GPC5: variants seen among roughly 807,000 people sequenced by gnomAD.
GPC5 encodes the protein glypican-5.
A neutral mutation model predicts 53.9 loss-of-function variants in GPC5; 47 were observed. The ratio of observed to expected loss-of-function variants is 0.87; its 90% CI spans 0.69 to 1.11. The LOEUF is 1.11. Ranked by LOEUF, GPC5 falls within the 50% of genes most tolerant of loss-of-function variation. The pLI is 0.00. For missense variants in GPC5, 748 were observed against 713.1 expected, an observed-to-expected ratio of 1.05 and a Z score of -0.56; for synonymous variants, 286 against 263.3, an observed-to-expected ratio of 1.09 and a Z score of -0.84.
At chr13:92,450,629 T>C (rs530812852) in intron 7 of GPC5, among the ~76,000 whole-genome samples, 1 of 152,328 alleles carries the variant, frequency 6.6e-6, no homozygotes, top group East Asian at 1.9e-4. Flanking sequence ...AGCTGCAGGC[T>C]GGTTGATGTT....
At chr13:91,915,693 T>C (rs1225622726) in intron 6 of GPC5, among the ~76,000 whole-genome samples, 9 of 152,204 alleles carry the variant, frequency 5.9e-5, no homozygotes, top group Non-Finnish European at 1.3e-4. Flanking sequence ...CTAAAACTTT[T>C]ATATATTTCT....
chr13:91,957,370 G>T (rs1355543407), intron 6 of GPC5, among the ~76,000 whole-genome samples: 1 of 152,058 alleles, frequency 6.6e-6, no homozygotes, highest in Non-Finnish European at 1.5e-5. Context: ...TATCCCAGGA[G>T]GTGAAGACAA....
At chr13:92,212,008 G>A (rs1389305038) in intron 7 of GPC5, among the ~76,000 whole-genome samples, 1 of 152,016 alleles carries the variant, frequency 6.6e-6, no homozygotes, top group Non-Finnish European at 1.5e-5. Context: ...ATTTGGAGGT[G>A]GGGCCTTTGG....
intron 6 of GPC5, among the ~76,000 whole-genome samples, chr13:92,118,003 A>G (rs989715885): frequency 1.3e-5 from 2 of 152,198 alleles, no homozygotes; most frequent in African/African-American, 4.8e-5. Context: ...GTGGTAGAAG[A>G]GCTAACTTCT....
intron 4 of GPC5, among the ~76,000 whole-genome samples, chr13:91,753,165 G>A (rs1259779627): frequency 6.6e-6 from 1 of 152,136 alleles, no homozygotes; most frequent in Non-Finnish European, 1.5e-5. Flanking sequence ...ATTTTATTCT[G>A]GACCGTAGAG....
At chr13:92,527,350 G>A (rs1424580057) in intron 7 of GPC5, among the ~76,000 whole-genome samples, 1 of 152,062 alleles carries the variant, frequency 6.6e-6, no homozygotes, top group Non-Finnish European at 1.5e-5. Flanking sequence ...GTCCAACAGA[G>A]GAGGAAAAGG....
chr13:92,026,395 A>C (rs2040801056), intron 6 of GPC5, among the ~76,000 whole-genome samples: 1 of 151,708 alleles, frequency 6.6e-6, no homozygotes, highest in African/African-American at 2.4e-5. Context: ...ACTTTTACTA[A>C]GGTAAACATA....
intron 2 of GPC5, among the ~76,000 whole-genome samples, chr13:91,464,801 T>C (rs1351528306): frequency 6.6e-6 from 1 of 151,978 alleles, no homozygotes; most frequent in Admixed American, 6.6e-5. Context: ...TAAAATTGCA[T>C]AGCACTACAC....
At chr13:92,365,475 T>A (rs531848036) in intron 7 of GPC5, among the ~76,000 whole-genome samples, 2 of 151,726 alleles carry the variant, frequency 1.3e-5, no homozygotes, top group South Asian at 4.2e-4. Context: ...TCTTTCTTTC[T>A]TCAATGATAA....
intron 5 of GPC5, among the ~76,000 whole-genome samples, chr13:91,761,065 G>C (rs1206679829): frequency 6.6e-6 from 1 of 152,078 alleles, no homozygotes; most frequent in African/African-American, 2.4e-5. Flanking sequence ...AGGCATGTTA[G>C]TCTTTGTTCT....
intron 6 of GPC5, among the ~76,000 whole-genome samples, chr13:92,143,776 T>A (rs569789613): frequency 6.6e-6 from 1 of 152,284 alleles, no homozygotes; most frequent in Non-Finnish European, 1.5e-5. Flanking sequence ...CTGAGGCTAT[T>A]TGACTCTCTG....
chr13:92,440,084 G>C (rs957016130), intron 7 of GPC5, among the ~76,000 whole-genome samples: 1 of 152,180 alleles, frequency 6.6e-6, no homozygotes, highest in Non-Finnish European at 1.5e-5. Flanking sequence ...GGAATGATGG[G>C]ACAAGACAAT....
intron 7 of GPC5, among the ~76,000 whole-genome samples, chr13:92,603,769 A>G (rs534281868): frequency 3.3e-5 from 5 of 152,346 alleles, no homozygotes; most frequent in Non-Finnish European, 5.9e-5. Flanking sequence ...AAGTCATTCC[A>G]GAATGAAGTT....
chr13:91,568,780 A>C (rs1480024608), intron 2 of GPC5, among the ~76,000 whole-genome samples: 1 of 145,682 alleles, frequency 6.9e-6, no homozygotes, highest in Non-Finnish European at 1.5e-5. Flanking sequence ...TTTCAGAAGG[A>C]GTCTCTCTCT....
At chr13:92,770,039 T>C (rs953319003) in intron 7 of GPC5, among the ~76,000 whole-genome samples, 3 of 152,182 alleles carry the variant, frequency 2.0e-5, no homozygotes, top group Non-Finnish European at 4.4e-5. Flanking sequence ...ATGTTCCCTG[T>C]TTTCTATTTT....
chr13:92,594,264 T>C (rs1273329820), intron 7 of GPC5, among the ~76,000 whole-genome samples: 2 of 152,140 alleles, frequency 1.3e-5, no homozygotes, highest in African/African-American at 4.8e-5. Flanking sequence ...GATACCACAC[T>C]TTACTTCTCA....
At chr13:92,188,773 T>C (rs796463292) in intron 7 of GPC5, among the ~76,000 whole-genome samples, 76 of 152,344 alleles carry the variant, frequency 5.0e-4, no homozygotes, top group African/African-American at 1.7e-3. Flanking sequence ...ATTGCTTAGT[T>C]GACATATTTG....
intron 6 of GPC5, among the ~76,000 whole-genome samples, chr13:92,101,054 A>T (rs1002937728): frequency 6.6e-6 from 1 of 152,208 alleles, no homozygotes; most frequent in African/African-American, 2.4e-5. Flanking sequence ...TTCCATGGAC[A>T]TTAATAATAA....
intron 7 of GPC5, among the ~76,000 whole-genome samples, chr13:92,588,627 C>G (rs1008071148): frequency 6.6e-6 from 1 of 152,168 alleles, no homozygotes; most frequent in African/African-American, 2.4e-5. Context: ...TGCCCTGGCC[C>G]TGTCCTTTCT....
Sources: gnomAD v4.1 joint callset for allele counts (sites outside exome capture counted in the v4.1 genomes callset) on GRCh38, gnomAD v4.1.1 for gene constraint, MANE v1.5 for transcripts, NCBI Gene and HGNC (gene_info 2026-07-23, HGNC 2026-07-21) for gene names.